The following DLC1 variants were observed in gnomAD, a reference collection of about 807,000 sequenced individuals.
DLC1 encodes DLC1 Rho GTPase activating protein.
A neutral mutation model predicts 140.3 loss-of-function variants in DLC1; 54 were observed. That is an observed-to-expected ratio of 0.38 (90% CI 0.31 to 0.48). The LOEUF (loss-of-function observed/expected upper bound fraction) is 0.48. DLC1 is among the 20% of genes least tolerant of loss of function. The probability of loss-of-function intolerance (pLI) is 0.96; values close to 1 mark genes in which losing one functional copy is unlikely to be tolerated. For synonymous variants in DLC1, 986 were observed against 728.1 expected (o/e 1.35, Z -5.70); for missense variants, 2,536 against 1,907.0 (o/e 1.33, Z -6.14).
At chr8:13,296,664 T>G (rs1831970295) in intron 5 of DLC1, among the ~76,000 whole-genome samples, 1 of 152,102 alleles carries the variant, frequency 6.6e-6, no homozygotes, top group African/African-American at 2.4e-5. Context: ...ACCTACTCTG[T>G]GCAAGATATC....
chr8:13,150,224 T>A (rs780809996), intron 5 of DLC1, among the ~76,000 whole-genome samples: 5 of 152,240 alleles, frequency 3.3e-5, no homozygotes, highest in Non-Finnish European at 5.9e-5. Flanking sequence ...TTACATCTAT[T>A]TGTAATGCCC....
intron 5 of DLC1, among the ~76,000 whole-genome samples, chr8:13,223,664 G>T (rs1163193172): frequency 6.6e-6 from 1 of 152,226 alleles, no homozygotes; most frequent in African/African-American, 2.4e-5. Flanking sequence ...TTACTTGGTT[G>T]GCTAACACCA....
chr8:13,267,953 T>A (rs1330019633), intron 5 of DLC1, among the ~76,000 whole-genome samples: 2 of 152,198 alleles, frequency 1.3e-5, no homozygotes, highest in Non-Finnish European at 2.9e-5. Flanking sequence ...GATAATTTGT[T>A]TTTATTAAGA....
intron 3 of DLC1, 85 bp from the exon 4 acceptor site, chr8:13,393,778 CTTCTTTCTCCCAG>C: frequency 6.7e-7 from 1 of 1,495,734 alleles, no homozygotes; most frequent in Non-Finnish European, 9.0e-7. Context: ...TTTGTCACTT[CTTCTTTCTCCCAG>C]TGCACACTGA....
In DLC1 at chr8:13,344,605, G is replaced by A. The variant is rs185696219; in HGVS notation, c.1315-39303C>T. ...GCTTTTGGTGTTTTGCCACAAAGCA[G>A]CACCCGCAAATGAGTTCTCTAAAAA... On this transcript the variant is annotated intron_variant, in intron 4 of 17. Transcript: ENST00000276297. Among the ~76,000 whole-genome samples, 212 of 152,320 alleles carry A rather than the reference G, an allele frequency of 1.4e-3. No individual in the cohort carries two copies. The Middle Eastern group carries it at 0.027, about 20-fold the overall frequency.
intron 5 of DLC1, among the ~76,000 whole-genome samples, chr8:13,119,417 C>G (rs1371193922): frequency 6.6e-6 from 1 of 152,062 alleles, no homozygotes; most frequent in Non-Finnish European, 1.5e-5. Context: ...TGAAATTTCA[C>G]TCATCCTTCA....
intron 4 of DLC1, among the ~76,000 whole-genome samples, chr8:13,373,926 A>T (rs1462510018): frequency 6.6e-6 from 1 of 152,224 alleles, no homozygotes; most frequent in African/African-American, 2.4e-5. Flanking sequence ...AAAATCCGGT[A>T]TTATTTCATT....
chr8:13,453,517 TATATATATATGTATATATATAC>T (rs1799241913), intron 2 of DLC1, among the ~76,000 whole-genome samples: 5 of 26,516 alleles, frequency 1.9e-4, no homozygotes, highest in Non-Finnish European at 3.7e-4. Flanking sequence ...TATATATACA[TATATATATATGTATATATATAC>T]ATATATATAT....
intron 5 of DLC1, among the ~76,000 whole-genome samples, chr8:13,148,035 C>A (rs1033286742): frequency 5.3e-5 from 8 of 152,046 alleles, no homozygotes; most frequent in Non-Finnish European, 8.8e-5. Flanking sequence ...TGACAACAAA[C>A]CATTGTTGTA....
intron 2 of DLC1, among the ~76,000 whole-genome samples, chr8:13,438,163 C>T (rs1336105888): frequency 6.6e-6 from 1 of 151,936 alleles, no homozygotes; most frequent in Non-Finnish European, 1.5e-5. Flanking sequence ...ACAAACAATC[C>T]ATCAACCGAT....
chr8:13,207,601 A>AT (rs1341346918), intron 5 of DLC1, among the ~76,000 whole-genome samples: 5 of 151,804 alleles, frequency 3.3e-5, no homozygotes, highest in African/African-American at 1.2e-4. Context: ...AAAAATAGAC[A>AT]TTTTTTCATG....
At chr8:13,382,505 CAAAAAAAAAA>C (rs71207149) in intron 4 of DLC1, among the ~76,000 whole-genome samples, 2 of 35,508 alleles carry the variant, frequency 5.6e-5, no homozygotes, top group Non-Finnish European at 9.1e-5. Context: ...GACTCCGTCT[CAAAAAAAAAA>C]AAAAAAAAAA....
At chr8:13,351,984 T>A (rs1834693976) in intron 4 of DLC1, among the ~76,000 whole-genome samples, 1 of 152,238 alleles carries the variant, frequency 6.6e-6, no homozygotes, top group African/African-American at 2.4e-5. Context: ...TCTGCCCGCC[T>A]TGGCCTCCCA....
chr8:13,219,436 A>G (rs931774952), intron 5 of DLC1, among the ~76,000 whole-genome samples: 2 of 42,582 alleles, frequency 4.7e-5, no homozygotes, highest in Non-Finnish European at 8.9e-5. Context: ...ATATAATTAT[A>G]ATTTATAAAA....
At chr8:13,589,013 A>T (rs1467876831) in intron 1 of DLC1, among the ~76,000 whole-genome samples, 1 of 152,094 alleles carries the variant, frequency 6.6e-6, no homozygotes, top group Non-Finnish European at 1.5e-5. Flanking sequence ...GTTCTGGACC[A>T]TATCCATTCA....
chr8:13,189,996 C>T (rs1270553557), intron 5 of DLC1, among the ~76,000 whole-genome samples: 1 of 152,164 alleles, frequency 6.6e-6, no homozygotes, highest in African/African-American at 2.4e-5. Context: ...ATCCAAAAGA[C>T]ATATGATGAA....
At chr8:13,136,239 T>C (rs769014605) in intron 5 of DLC1, among the ~76,000 whole-genome samples, 5 of 152,184 alleles carry the variant, frequency 3.3e-5, no homozygotes, top group African/African-American at 4.8e-5. Context: ...TGCAGATACA[T>C]TGCATGATGC....
intron 2 of DLC1, among the ~76,000 whole-genome samples, chr8:13,402,121 C>G (rs1013699435): frequency 2.0e-5 from 3 of 152,146 alleles, no homozygotes; most frequent in Non-Finnish European, 2.9e-5. Flanking sequence ...TTTCCTAGCA[C>G]AGGGCCATTT....
At chr8:13,328,549 T>C (rs1339068777) in intron 4 of DLC1, among the ~76,000 whole-genome samples, 1 of 152,142 alleles carries the variant, frequency 6.6e-6, no homozygotes, top group Non-Finnish European at 1.5e-5. Flanking sequence ...TTGGAGAAGC[T>C]CAACTAGAGA....
Sources: allele counts gnomAD v4.1 joint callset (sites outside exome capture counted in the v4.1 genomes callset), GRCh38; gene constraint gnomAD v4.1.1; transcripts MANE v1.5; gene names NCBI Gene and HGNC (gene_info 2026-07-23, HGNC 2026-07-21).